RPA3: variants seen among roughly 807,000 people sequenced by gnomAD.
The protein encoded by RPA3 is replication protein A 14 kDa subunit.
RPA3 carries 24 observed loss-of-function variants against 13.7 expected under a neutral mutation model. That is an observed-to-expected ratio of 1.75 (90% CI 1.27 to 2.46). The LOEUF is 2.46. Ranked by LOEUF, RPA3 falls within the 30% of genes most tolerant of loss-of-function variation. The pLI is 0.00. For synonymous variants in RPA3, 59 were observed against 51.2 expected (o/e 1.15, Z -0.65); for missense variants, 183 against 151.0 (o/e 1.21, Z -1.11).
At chr7:7,654,984 T>C (rs1246218606) in intron 4 of RPA3, among the ~76,000 whole-genome samples, 1 of 152,190 alleles carries the variant, frequency 6.6e-6, no homozygotes, top group Non-Finnish European at 1.5e-5. Flanking sequence ...CATAGTAGGA[T>C]TGCAGGACCT....
chr7:7,693,914 C>A (rs1392544467), intron 2 of RPA3, among the ~76,000 whole-genome samples: 1 of 151,996 alleles, frequency 6.6e-6, no homozygotes, highest in Non-Finnish European at 1.5e-5. Context: ...CTTAAAATGG[C>A]AATTATTAAA....
intron 4 of RPA3, chr7:7,673,543 T>G: frequency 1.5e-6 from 1 of 647,288 alleles, no homozygotes; most frequent in Non-Finnish European, 2.7e-6. Context: ...TTAAATTATT[T>G]CTTATAATTT....
chr7:7,659,281 G>A (rs964525179), intron 4 of RPA3, among the ~76,000 whole-genome samples: 3 of 151,994 alleles, frequency 2.0e-5, no homozygotes, highest in African/African-American at 7.3e-5. Flanking sequence ...ATTTTTCGAA[G>A]GGTTTTTCAT....
chr7:7,664,862 A>G (rs576238608), intron 4 of RPA3, among the ~76,000 whole-genome samples: 12 of 152,350 alleles, frequency 7.9e-5, no homozygotes, highest in African/African-American at 2.9e-4. Flanking sequence ...CTTGTTGTCT[A>G]AATTTTTATA....
chr7:7,694,651 C>G (rs1780264698), intron 2 of RPA3, among the ~76,000 whole-genome samples: 1 of 151,918 alleles, frequency 6.6e-6, no homozygotes, highest in Non-Finnish European at 1.5e-5. Context: ...TTATCTCTCT[C>G]TGCCTGACTT....
rs906002080 is a variant in RPA3 at position 7,710,259 on chromosome 7, A to G, written c.-1028+4916T>C. On this transcript the variant is annotated intron_variant, in intron 2 of 7. Coordinates refer to ENST00000223129, the MANE Select transcript of RPA3 (RefSeq NM_002947.5). ...GTTACTGAACATTAGTAGGCAGAAGAAAAAACAAAACACCTTGATCTGTGT... is the reference window on the plus strand; with the variant it reads ...GTTACTGAACATTAGTAGGCAGAAGGAAAAACAAAACACCTTGATCTGTGT... 2.0e-5 allele frequency among the ~76,000 whole-genome samples: 3 copies of G among 152,212 alleles called. No homozygotes were observed. The East Asian group carries it at 5.8e-4, about 29-fold the overall frequency.
intron 2 of RPA3, among the ~76,000 whole-genome samples, chr7:7,693,429 G>C (rs1247881976): frequency 6.6e-6 from 1 of 151,956 alleles, no homozygotes. Context: ...GTAATGTATA[G>C]ACTTTCCAAG....
At chr7:7,637,706 C>T (rs1240940419) in intron 7 of RPA3, among the ~76,000 whole-genome samples, 158 bp downstream of exon 7, 1 of 150,220 alleles carries the variant, frequency 6.7e-6, no homozygotes, top group Non-Finnish European at 1.5e-5. Flanking sequence ...TTATATAAAA[C>T]TGTATGTTAT....
intron 4 of RPA3, among the ~76,000 whole-genome samples, chr7:7,642,198 G>T (rs1252732170): frequency 1.3e-5 from 2 of 152,086 alleles, no homozygotes; most frequent in East Asian, 3.9e-4. Flanking sequence ...GCAGTAGCAT[G>T]CACATAGCTC....
intron 2 of RPA3, among the ~76,000 whole-genome samples, chr7:7,702,338 A>T (rs1042034292): frequency 1.3e-5 from 2 of 152,176 alleles, no homozygotes; most frequent in African/African-American, 4.8e-5. Flanking sequence ...TTAAGGAAAG[A>T]TGAGACTATA....
rs1785103728 is a variant in RPA3, at chr7:7,646,719, G to T, written c.-757-5544C>A. 1.3e-5 allele frequency among the ~76,000 whole-genome samples: 2 copies of T among 151,984 alleles called. 1 individual carries two copies. Among genetic ancestry groups the T allele is most frequent in the Non-Finnish European group, 2.9e-5 (2 of 67,990 alleles). On this transcript the variant is annotated intron_variant, in intron 4 of 7. Transcript: ENST00000223129. ...AGTGGGAAGATGATCTTCCCTTGGA[G>T]TTCGGCTGTCCCATGGCCAATCTCC...
chr7:7,687,573 G>C (rs1213324617), intron 2 of RPA3, among the ~76,000 whole-genome samples: 1 of 152,152 alleles, frequency 6.6e-6, no homozygotes, highest in Non-Finnish European at 1.5e-5. Context: ...CCACCAGAAA[G>C]TCTATTCACA....
At chr7:7,638,167 G>T in intron 6 of RPA3, 195 bp from the exon 7 acceptor site, 1 of 459,362 alleles carries the variant, frequency 2.2e-6, no homozygotes, top group South Asian at 2.9e-5. Context: ...TAAAATTCCT[G>T]CTACCTTTAG....
intron 4 of RPA3, among the ~76,000 whole-genome samples, chr7:7,646,915 G>T (rs1161637931): frequency 6.6e-6 from 1 of 152,120 alleles, no homozygotes; most frequent in Non-Finnish European, 1.5e-5. Flanking sequence ...GCAACATTTG[G>T]GTGCAAAAAC....
At chr7:7,684,460 C>A (rs142597443) in intron 4 of RPA3, among the ~76,000 whole-genome samples, 1 of 152,056 alleles carries the variant, frequency 6.6e-6, no homozygotes, top group East Asian at 1.9e-4. Flanking sequence ...CCACCCCTTT[C>A]GGCCTCCCAA....
At chr7:7,641,482 G>A (rs1784973073) in intron 4 of RPA3, 1 of 152,164 alleles carries the variant, frequency 6.6e-6, no homozygotes, top group Admixed American at 6.6e-5. Flanking sequence ...TCTGACTTTT[G>A]GCCATATGTT....
At chr7:7,664,482 C>T (rs1423007976) in intron 4 of RPA3, among the ~76,000 whole-genome samples, 1 of 152,174 alleles carries the variant, frequency 6.6e-6, no homozygotes, top group African/African-American at 2.4e-5. Flanking sequence ...TACAACTCTT[C>T]AGTAATTTAT....
chr7:7,682,534 A>G (rs1465046422), intron 4 of RPA3, among the ~76,000 whole-genome samples: 2 of 152,290 alleles, frequency 1.3e-5, no homozygotes, highest in African/African-American at 2.4e-5. Flanking sequence ...TTTACATTCT[A>G]AGGAATGAGG....
intron 4 of RPA3, among the ~76,000 whole-genome samples, chr7:7,670,629 G>A (rs1179116587): frequency 6.6e-6 from 1 of 152,196 alleles, no homozygotes; most frequent in Non-Finnish European, 1.5e-5. Flanking sequence ...CATGCTCAAA[G>A]TTCAGTGCCT....
Sources: gnomAD v4.1 joint callset for allele counts (sites outside exome capture counted in the v4.1 genomes callset) on GRCh38, gnomAD v4.1.1 for gene constraint, MANE v1.5 for transcripts, NCBI Gene and HGNC (gene_info 2026-07-23, HGNC 2026-07-21) for gene names.